EPB41L1: variants seen among roughly 807,000 people sequenced by gnomAD.
EPB41L1 encodes the protein band 4.1-like protein 1.
A neutral mutation model predicts 97.8 loss-of-function variants in EPB41L1; 29 were observed. The observed-to-expected ratio is 0.30, with a 90% CI of 0.22 to 0.40. EPB41L1 has a LOEUF of 0.40. Among genes scored for constraint, EPB41L1 ranks in the 10% least tolerant of loss-of-function variants. EPB41L1 has a pLI of 1.00. For missense variants in EPB41L1, 812 were observed against 1,162.3 expected (o/e 0.70, Z 4.38); for synonymous variants, 383 against 459.2 (o/e 0.83, Z 2.12).
chr20:36,108,403 G>A (rs1031565377), intron 1 of EPB41L1, among the ~76,000 whole-genome samples: 1 of 151,922 alleles, frequency 6.6e-6, no homozygotes, highest in African/African-American at 2.4e-5. Context: ...GGCCAGGCAC[G>A]ATGGCTCACA....
chr20:36,213,473 C>A (rs1419197162), intron 16 of EPB41L1, among the ~76,000 whole-genome samples: 1 of 152,104 alleles, frequency 6.6e-6, no homozygotes, highest in Non-Finnish European at 1.5e-5. Flanking sequence ...AGATTTCTTT[C>A]TCCCACTTTT....
Position 36,190,616 on chromosome 20 carries a change from C to A in EPB41L1, c.1125-6C>A. ...CCTCCTCCTCCCCTGCATCCCTCTG[C>A]TGCAGGCTGGTGTCCCCTGAGCCCC... On this transcript the variant is annotated splice_polypyrimidine_tract_variant and splice_region_variant and intron_variant, in intron 10 of 21. Coordinates refer to ENST00000338074, the MANE Select transcript of EPB41L1 (RefSeq NM_012156.2). The surrounding 1 kb of genome is among the most constrained non-coding windows in gnomAD (Gnocchi z 5.8). 1 of 1,613,930 alleles carries A rather than the reference C, an allele frequency of 6.2e-7. No individual in the cohort carries two copies. Among genetic ancestry groups the A allele is most frequent in the Non-Finnish European group, 8.5e-7 (1 of 1,179,998 alleles).
intron 2 of EPB41L1, among the ~76,000 whole-genome samples, chr20:36,142,800 T>TTGGGCTGGGTTGGC (rs1943917513): frequency 6.6e-6 from 1 of 152,178 alleles, no homozygotes; most frequent in South Asian, 2.1e-4. Flanking sequence ...TGCTGGGCAG[T>TTGGGCTGGGTTGGC]TGGGCTGGGT....
chr20:36,097,339 C>T (rs1170061762), intron 1 of EPB41L1, among the ~76,000 whole-genome samples: 1 of 152,172 alleles, frequency 6.6e-6, no homozygotes, highest in Non-Finnish European at 1.5e-5. Context: ...GATTCCATTT[C>T]CTCATTTCCT....
At chr20:36,208,857 A>G (rs1375265872) in intron 14 of EPB41L1, among the ~76,000 whole-genome samples, 6 of 152,158 alleles carry the variant, frequency 3.9e-5, no homozygotes, top group African/African-American at 1.4e-4. Flanking sequence ...TGGTCCACTC[A>G]TGGAGCCCAG....
At chr20:36,099,795 C>A (rs2057951787) in intron 1 of EPB41L1, among the ~76,000 whole-genome samples, 1 of 152,224 alleles carries the variant, frequency 6.6e-6, no homozygotes, top group South Asian at 2.1e-4. Flanking sequence ...TGTCTTCAGT[C>A]TGAACAGTGC....
chr20:36,101,936 C>A (rs982335618), intron 1 of EPB41L1, among the ~76,000 whole-genome samples: 6 of 151,942 alleles, frequency 3.9e-5, no homozygotes, highest in African/African-American at 1.4e-4. Context: ...ACCTGGGAGG[C>A]GGAGGTTGCA....
chr20:36,097,132 A>G (rs2057856939), intron 1 of EPB41L1, among the ~76,000 whole-genome samples: 1 of 152,238 alleles, frequency 6.6e-6, no homozygotes, highest in Admixed American at 6.5e-5. Context: ...GAGGAAAAGT[A>G]TTGAAAGAGG....
intron 2 of EPB41L1, chr20:36,122,878 C>G (rs1212954506): frequency 6.6e-6 from 1 of 152,148 alleles, no homozygotes; most frequent in Non-Finnish European, 1.5e-5. Flanking sequence ...ACGATTTTCT[C>G]TCCATCCCTG....
At chr20:36,125,580 C>T (rs2058931036) in intron 2 of EPB41L1, 1 of 1,532,512 alleles carries the variant, frequency 6.5e-7, no homozygotes, top group Admixed American at 2.0e-5. Context: ...GTAGATTGAA[C>T]CACAAGTGCA....
intron 9 of EPB41L1, among the ~76,000 whole-genome samples, chr20:36,189,547 C>T (rs2061853110): frequency 6.6e-6 from 1 of 152,140 alleles, no homozygotes; most frequent in Admixed American, 6.5e-5. Context: ...AAGTATCTCC[C>T]CCTCTCGCTT....
At chr20:36,148,767 A>G (rs1390957387) in intron 2 of EPB41L1, 1 of 152,404 alleles carries the variant, frequency 6.6e-6, no homozygotes, top group Non-Finnish European at 1.5e-5. Flanking sequence ...GGCTGTGGGT[A>G]TAGAAGAGGA....
At chr20:36,188,278 G>C in intron 8 of EPB41L1, 69 bp from the exon 9 acceptor site, 1 of 1,606,576 alleles carries the variant, frequency 6.2e-7, no homozygotes, top group Non-Finnish European at 8.5e-7. Flanking sequence ...CAGTGTTTTC[G>C]GGGTGGGTGG....
rs556157833 is a variant in EPB41L1, at chr20:36,209,329, A to G, written c.1669-159A>G. Among the ~76,000 whole-genome samples, 1 of 152,126 alleles carries G rather than the reference A, an allele frequency of 6.6e-6. No individual in the cohort carries two copies. Among genetic ancestry groups the G allele is most frequent in the Non-Finnish European group, 1.5e-5 (1 of 67,980 alleles). ...TTTTTTTATGCTTGTTATGATTTCA[A>G]GGAACCTTTCCTGGGGTGTTTTTCA... On this transcript the variant is annotated intron_variant, in intron 14 of 21. Transcript: ENST00000338074. The surrounding 1 kb of genome is among the most constrained non-coding windows in gnomAD (Gnocchi z 4.2).
chr20:36,201,351 G>T (rs1004559860), intron 14 of EPB41L1, among the ~76,000 whole-genome samples: 8 of 152,174 alleles, frequency 5.3e-5, no homozygotes, highest in African/African-American at 1.2e-4. Context: ...AGGGTCAGGG[G>T]TCATGCTAGA....
At chr20:36,133,515 C>A (rs1201963329) in intron 2 of EPB41L1, among the ~76,000 whole-genome samples, 3 of 152,304 alleles carry the variant, frequency 2.0e-5, no homozygotes, top group East Asian at 1.9e-4. Context: ...GACAGAGGTA[C>A]CTTCTTGCTA....
Position 36,224,619 on chromosome 20 carries a change from C to A in EPB41L1, c.2637+2225C>A, listed in dbSNP as rs6142535. On this transcript the variant is annotated intron_variant, in intron 21 of 21. Coordinates refer to ENST00000338074, the MANE Select transcript of EPB41L1 (RefSeq NM_012156.2). ...TGAGATGGCACTATTGCACTTCAGC[C>A]TGGGCAACAGAGCGAGACTCCGTCT... Among the ~76,000 whole-genome samples the A allele has an allele frequency of 3.3e-5, 5 of 152,184 alleles. No individual in the cohort carries two copies. The East Asian group carries it at 9.7e-4, about 29-fold the overall frequency.
intron 13 of EPB41L1, among the ~76,000 whole-genome samples, chr20:36,196,289 C>T (rs1839848212): frequency 6.6e-6 from 1 of 152,226 alleles, no homozygotes; most frequent in Non-Finnish European, 1.5e-5. Context: ...TAGGTTTCTC[C>T]AATGCCCTTA....
rs536614849 is a variant in EPB41L1, at chr20:36,190,109, A to G, written c.1027-168A>G. ...GAGGATCTCTTGAGCCCAGGAATTC[A>G]AGGTTACAGTGAGCTATGATTGCGC... On this transcript the variant is annotated intron_variant, in intron 9 of 21. Transcript: ENST00000338074. This position sits in a 1 kb window ranked among gnomAD's most constrained non-coding sequence, Gnocchi z 5.8. Among the ~76,000 whole-genome samples, 1 of 152,272 alleles carries G rather than the reference A, an allele frequency of 6.6e-6. No individual in the cohort carries two copies. The highest frequency in any genetic ancestry group is 2.4e-5 in the African/African-American group (1 of 41,560).
Sources: allele counts gnomAD v4.1 joint callset (sites outside exome capture counted in the v4.1 genomes callset), GRCh38; gene constraint gnomAD v4.1.1; non-coding constraint Gnocchi (gnomAD v3.1); transcripts MANE v1.5; gene names NCBI Gene and HGNC (gene_info 2026-07-23, HGNC 2026-07-21).